MAGI2: variants seen among roughly 807,000 people sequenced by gnomAD.
MAGI2 encodes membrane-associated guanylate kinase, WW and PDZ domain-containing protein 2.
In MAGI2, 35 loss-of-function variants were observed where a neutral mutation model predicts 133.3. That is an observed-to-expected ratio of 0.26 (90% CI 0.20 to 0.35). MAGI2 has a LOEUF of 0.35. Among genes scored for constraint, MAGI2 ranks in the 10% least tolerant of loss-of-function variants. The pLI, the probability that MAGI2 is intolerant of heterozygous loss-of-function variation, is 1.00. For missense variants in MAGI2, 1,636 were observed against 1,863.4 expected (o/e 0.88, Z 2.25); for synonymous variants, 729 against 710.6 (o/e 1.03, Z -0.41).
At chr7:78,692,706 G>A (rs1046652247) in intron 2 of MAGI2, among the ~76,000 whole-genome samples, 9 of 152,030 alleles carry the variant, frequency 5.9e-5, no homozygotes, top group Non-Finnish European at 1.2e-4. Context: ...TTTATCCTTT[G>A]TGATCAAATA....
chr7:78,657,086 TATC>T (rs1283857891), intron 2 of MAGI2, among the ~76,000 whole-genome samples: 1 of 151,362 alleles, frequency 6.6e-6, no homozygotes, highest in East Asian at 1.9e-4. Context: ...TGATGATCCA[TATC>T]ATATGTCATC....
chr7:78,624,815 C>T lies in MAGI2; in HGVS notation c.538+2305G>A, dbSNP rs10274870. On this transcript the variant is annotated intron_variant, in intron 3 of 21. Transcript: ENST00000354212. The stretch of plus-strand genomic sequence containing the variant: ...GTATAGCACATACGGTTATGTATAG[C>T]GTGTAATACTTGATATTGATAATAA... Among the ~76,000 whole-genome samples the T allele has an allele frequency of 5.9e-3, 897 of 152,198 alleles. 9 individuals carry two copies. The highest frequency in any genetic ancestry group is 0.02 in the African/African-American group (847 of 41,548).
intron 2 of MAGI2, among the ~76,000 whole-genome samples, chr7:78,881,704 G>A (rs914322557): frequency 3.3e-5 from 5 of 151,822 alleles, no homozygotes; most frequent in Non-Finnish European, 7.4e-5. Context: ...AATGACTTCT[G>A]AATAAACAAC....
chr7:78,510,536 A>G (rs568550642), intron 4 of MAGI2, among the ~76,000 whole-genome samples: 28 of 152,336 alleles, frequency 1.8e-4, no homozygotes, highest in Non-Finnish European at 2.8e-4. Context: ...TCAATTTTCT[A>G]TAATTTTTAG....
intron 1 of MAGI2, among the ~76,000 whole-genome samples, chr7:79,034,432 C>A (rs1298195599): frequency 1.3e-5 from 2 of 152,084 alleles, no homozygotes; most frequent in East Asian, 3.9e-4. Context: ...GCTAAAATGC[C>A]AAATATAGGC....
At chr7:78,351,141 A>T (rs1422502586) in intron 7 of MAGI2, among the ~76,000 whole-genome samples, 1 of 152,114 alleles carries the variant, frequency 6.6e-6, no homozygotes, top group African/African-American at 2.4e-5. Flanking sequence ...TACTGAATAA[A>T]TACATGAATG....
intron 6 of MAGI2, among the ~76,000 whole-genome samples, chr7:78,431,028 T>C (rs558586215): frequency 8.4e-4 from 128 of 152,026 alleles, no homozygotes; most frequent in Admixed American, 1.4e-3. Flanking sequence ...TATAGACTTA[T>C]AGCTTCTCTA....
chr7:78,535,296 T>C (rs1053716931), intron 3 of MAGI2, among the ~76,000 whole-genome samples: 10 of 152,110 alleles, frequency 6.6e-5, no homozygotes, highest in Admixed American at 3.3e-4. Flanking sequence ...AGGCTAGAGA[T>C]AATATGGAAC....
intron 2 of MAGI2, among the ~76,000 whole-genome samples, chr7:78,883,736 A>T (rs1030246947): frequency 2.0e-5 from 3 of 151,976 alleles, no homozygotes; most frequent in African/African-American, 4.8e-5. Context: ...GCTAAAGTAT[A>T]AAAAAAAGCA....
chr7:79,178,239 A>G (rs1189714734), intron 1 of MAGI2, among the ~76,000 whole-genome samples: 3 of 151,944 alleles, frequency 2.0e-5, no homozygotes, highest in Non-Finnish European at 4.4e-5. Context: ...ACTTAATTAG[A>G]TGTAATAATA....
At chr7:78,526,471 A>G (rs929296433) in intron 3 of MAGI2, among the ~76,000 whole-genome samples, 1 of 152,232 alleles carries the variant, frequency 6.6e-6, no homozygotes, top group African/African-American at 2.4e-5. Flanking sequence ...TTTAATATCA[A>G]ATTCCACTAA....
chr7:79,214,712 A>AATATAAAT lies in MAGI2; in HGVS notation c.302-207514_302-207507dup, dbSNP rs919392572. 4.3e-5 allele frequency among the ~76,000 whole-genome samples: 6 copies of AATATAAAT among 140,642 alleles called. No homozygotes were observed. In the South Asian group the frequency reaches 6.4e-4, roughly 15 times the overall value. 92.3% of individuals were successfully genotyped at this position (140,642 alleles called of 152,430 possible). ...ATATATTTATACATAAATATACATAAATATAAATATATAAATATATAAATA... is the reference window on the plus strand; with the variant it reads ...ATATATTTATACATAAATATACATAAATATAAATATATAAATATATAAATATATAAATA... On this transcript the variant is annotated intron_variant, in intron 1 of 21. Transcript: ENST00000354212.
intron 2 of MAGI2, among the ~76,000 whole-genome samples, chr7:78,909,555 A>G (rs1798247459): frequency 6.8e-6 from 1 of 146,704 alleles, no homozygotes; most frequent in African/African-American, 2.5e-5. Context: ...GTGAGCCGAC[A>G]TCATGCCACT....
At chr7:78,275,543 T>TAAAGCAAGC (rs1193393828) in intron 9 of MAGI2, among the ~76,000 whole-genome samples, 1 of 152,040 alleles carries the variant, frequency 6.6e-6, no homozygotes, top group Non-Finnish European at 1.5e-5. Context: ...GCCCAAGTCC[T>TAAAGCAAGC]AAAGCAAGCA....
At position 78,606,152 on chromosome 7, in the gene MAGI2, G is replaced by A. The variant is rs76717986; in HGVS notation, c.538+20968C>T. On this transcript the variant is annotated intron_variant, in intron 3 of 21. Transcript: ENST00000354212. ...GATGGCTGTGATAGTTACTGAGCTT[G>A]GGTGTACAGGAGGGACAGAAGTTCT... Among the ~76,000 whole-genome samples, 1,075 of 151,736 alleles carry A rather than the reference G, an allele frequency of 7.1e-3. 16 individuals are homozygous for A. Among genetic ancestry groups the A allele is most frequent in the African/African-American group, 0.025 (1,020 of 41,296 alleles).
chr7:78,556,636 T>C (rs1392372981), intron 3 of MAGI2, among the ~76,000 whole-genome samples: 4 of 152,144 alleles, frequency 2.6e-5, no homozygotes, highest in African/African-American at 9.7e-5. Flanking sequence ...CTAGAACCAA[T>C]GCTAAGAACA....
At chr7:78,553,197 A>G (rs989129617) in intron 3 of MAGI2, among the ~76,000 whole-genome samples, 2 of 152,102 alleles carry the variant, frequency 1.3e-5, no homozygotes, top group African/African-American at 4.8e-5. Flanking sequence ...AATGCTGTAC[A>G]TTCCCATCTG....
At chr7:79,362,449 C>T (rs1274512506) in intron 1 of MAGI2, among the ~76,000 whole-genome samples, 1 of 151,996 alleles carries the variant, frequency 6.6e-6, no homozygotes, top group African/African-American at 2.4e-5. Context: ...AAAGAATTAA[C>T]ACCAATTTTA....
At position 79,284,732 on chromosome 7, in the gene MAGI2, A is replaced by G. The variant is rs1835881232; in HGVS notation, c.301+168288T>C. 2.6e-5 allele frequency among the ~76,000 whole-genome samples: 4 copies of G among 152,222 alleles called. No homozygotes were observed. In the South Asian group the frequency reaches 8.3e-4, roughly 32 times the overall value. ...GATCAATAGTTTCAGTTAATGTTCAATTGGAACGTTACCAGAATCATTTGC... is the reference window on the plus strand; with the variant it reads ...GATCAATAGTTTCAGTTAATGTTCAGTTGGAACGTTACCAGAATCATTTGC... On this transcript the variant is annotated intron_variant, in intron 1 of 21. Transcript: ENST00000354212.
Sources: allele counts gnomAD v4.1 joint callset (sites outside exome capture counted in the v4.1 genomes callset), GRCh38; gene constraint gnomAD v4.1.1; transcripts MANE v1.5; gene names NCBI Gene and HGNC (gene_info 2026-07-23, HGNC 2026-07-21).